KCNK9: variants seen among roughly 807,000 people sequenced by gnomAD.
KCNK9 encodes the protein potassium two pore domain channel subfamily K member 9, also known as potassium channel subfamily K member 9.
A neutral mutation model predicts 10.8 loss-of-function variants in KCNK9; 1 was observed. The observed-to-expected ratio is 0.09, with a 90% CI of 0.03 to 0.44. The LOEUF is 0.44. KCNK9 is among the 20% of genes least tolerant of loss of function. The pLI, the probability that KCNK9 is intolerant of heterozygous loss-of-function variation, is 0.97. For synonymous variants in KCNK9, 231 were observed against 222.7 expected (o/e 1.04, Z -0.33); for missense variants, 303 against 515.0 (o/e 0.59, Z 3.98).
intron 1 of KCNK9, among the ~76,000 whole-genome samples, chr8:139,620,376 T>C (rs1030989130): frequency 2.6e-5 from 4 of 152,192 alleles, no homozygotes; most frequent in Non-Finnish European, 4.4e-5. Context: ...CATAAGTTTT[T>C]TCAAACCCAT....
chr8:139,614,755 G>T (rs561995338), downstream of KCNK9, among the ~76,000 whole-genome samples: 67 of 152,332 alleles, frequency 4.4e-4, no homozygotes, highest in African/African-American at 1.6e-3. Context: ...AGCAAGTGTT[G>T]CCCCCAGGGG....
intron 1 of KCNK9, among the ~76,000 whole-genome samples, chr8:139,638,493 A>G: frequency 6.6e-6 from 1 of 152,318 alleles, no homozygotes; most frequent in South Asian, 2.1e-4. Flanking sequence ...TCACTGTTCA[A>G]CACCTTCCAT....
At chr8:139,629,069 C>A (rs1448658869) in intron 1 of KCNK9, among the ~76,000 whole-genome samples, 1 of 152,226 alleles carries the variant, frequency 6.6e-6, no homozygotes, top group South Asian at 2.1e-4. Context: ...TCCCATGGGC[C>A]CCAGTCCCTT....
At chr8:139,623,577 C>T (rs576952120) in intron 1 of KCNK9, among the ~76,000 whole-genome samples, 6 of 152,114 alleles carry the variant, frequency 3.9e-5, no homozygotes, top group Non-Finnish European at 8.8e-5. Flanking sequence ...TCCTACCCCA[C>T]CTGTGAGCTC....
chr8:139,662,726 A>G (rs1376732179), intron 1 of KCNK9, among the ~76,000 whole-genome samples: 1 of 151,910 alleles, frequency 6.6e-6, no homozygotes, highest in Non-Finnish European at 1.5e-5. Flanking sequence ...ATATTTCATG[A>G]GCACCCACCC....
chr8:139,647,009 G>T (rs2615382), intron 1 of KCNK9, among the ~76,000 whole-genome samples: 56,401 of 152,172 alleles, frequency 0.37, 10,914 homozygotes, highest in African/African-American at 0.44. Context: ...ACAAAGGTGG[G>T]CTGGGTCCAT....
chr8:139,672,784 T>C (rs960918960), intron 1 of KCNK9, among the ~76,000 whole-genome samples: 7 of 151,196 alleles, frequency 4.6e-5, no homozygotes, highest in African/African-American at 1.7e-4. Flanking sequence ...AGGAGTGGAG[T>C]GTTTGGGGGT....
intron 1 of KCNK9, among the ~76,000 whole-genome samples, chr8:139,624,174 C>T (rs575144939): frequency 1.1e-4 from 16 of 152,310 alleles, no homozygotes; most frequent in African/African-American, 1.9e-4. Flanking sequence ...AGAGCTTCAC[C>T]GCCTGTTTTG....
intron 1 of KCNK9, among the ~76,000 whole-genome samples, chr8:139,696,314 T>C (rs1359701239): frequency 6.6e-6 from 1 of 152,212 alleles, no homozygotes; most frequent in East Asian, 1.9e-4. Flanking sequence ...CATGATTTCC[T>C]TATGAGAATT....
downstream of KCNK9, among the ~76,000 whole-genome samples, chr8:139,612,857 A>G (rs1420820160): frequency 6.6e-6 from 1 of 152,146 alleles, no homozygotes; most frequent in Non-Finnish European, 1.5e-5. Flanking sequence ...ATCACAGGGC[A>G]TTATTCTATA....
At chr8:139,665,057 C>T (rs1005773234) in intron 1 of KCNK9, among the ~76,000 whole-genome samples, 5 of 152,224 alleles carry the variant, frequency 3.3e-5, no homozygotes, top group Non-Finnish European at 7.3e-5. Context: ...ATTGCTACTG[C>T]ACGTTTTAGT....
downstream of KCNK9, among the ~76,000 whole-genome samples, chr8:139,609,106 A>AC (rs1554617339): frequency 8.1e-6 from 1 of 123,852 alleles, no homozygotes; most frequent in South Asian, 2.8e-4. Context: ...GACCCATCCC[A>AC]CCCCACCCCG....
intron 2 of KCNK9, among the ~76,000 whole-genome samples, chr8:139,605,591 G>A (rs1173844544): frequency 2.6e-5 from 4 of 152,172 alleles, no homozygotes; most frequent in Non-Finnish European, 5.9e-5. Context: ...AGCAGGTCTT[G>A]TCCAACCTTT....
At chr8:139,688,766 A>G (rs1331381885) in intron 1 of KCNK9, among the ~76,000 whole-genome samples, 2 of 152,250 alleles carry the variant, frequency 1.3e-5, no homozygotes, top group African/African-American at 4.8e-5. Flanking sequence ...ATAGTAAGAT[A>G]AACTCAGATT....
chr8:139,662,317 G>A (rs1447930073), intron 1 of KCNK9, among the ~76,000 whole-genome samples: 3 of 152,194 alleles, frequency 2.0e-5, no homozygotes, highest in African/African-American at 7.2e-5. Flanking sequence ...TGGGCCAAAG[G>A]CCTGGCTTGC....
chr8:139,652,384 A>G (rs538068214), intron 1 of KCNK9, among the ~76,000 whole-genome samples: 13 of 152,300 alleles, frequency 8.5e-5, no homozygotes, highest in Non-Finnish European at 1.8e-4. Flanking sequence ...TGAGCCCATC[A>G]TGGCTCTGGG....
In KCNK9 at chr8:139,690,016, T is replaced by C. The variant is rs1816904589; in HGVS notation, c.283+12694A>G. 2.0e-5 allele frequency among the ~76,000 whole-genome samples: 3 copies of C among 152,272 alleles called. No homozygotes were observed. In the South Asian group the frequency reaches 6.2e-4, roughly 32 times the overall value. On this transcript the variant is annotated intron_variant, in intron 1 of 1. Transcript: ENST00000520439. The stretch of plus-strand genomic sequence containing the variant: ...CCCCCATCAGCCTGCAGACCAGTAA[T>C]GGGTAAAAGCTGCCCAGCTGAGCCT...
intron 1 of KCNK9, among the ~76,000 whole-genome samples, chr8:139,674,409 C>T (rs1424166383): frequency 6.6e-6 from 1 of 152,218 alleles, no homozygotes; most frequent in Non-Finnish European, 1.5e-5. Context: ...GTCTGAGCCG[C>T]TCCGAGGGCA....
At chr8:139,680,202 G>A (rs1414574406) in intron 1 of KCNK9, among the ~76,000 whole-genome samples, 1 of 152,234 alleles carries the variant, frequency 6.6e-6, no homozygotes, top group Non-Finnish European at 1.5e-5. Context: ...TTCAGCCTTG[G>A]CCAGCAGCAG....
Sources: allele counts gnomAD v4.1 joint callset (sites outside exome capture counted in the v4.1 genomes callset), GRCh38; gene constraint gnomAD v4.1.1; transcripts MANE v1.5; gene names NCBI Gene and HGNC (gene_info 2026-07-23, HGNC 2026-07-21).